DAB1: variants seen among roughly 807,000 people sequenced by gnomAD.
The protein encoded by DAB1 is DAB adaptor protein 1.
A neutral mutation model predicts 64.6 loss-of-function variants in DAB1; 15 were observed. That is an observed-to-expected ratio of 0.23 (90% CI 0.16 to 0.36). The LOEUF (loss-of-function observed/expected upper bound fraction) is 0.36, where lower values mean the gene tolerates loss of function less well. Ranked by LOEUF, DAB1 falls within the 10% of genes least tolerant of loss-of-function variation. The probability of loss-of-function intolerance (pLI) is 1.00; values close to 1 mark genes in which losing one functional copy is unlikely to be tolerated. For missense variants in DAB1, 596 were observed against 706.7 expected, an observed-to-expected ratio of 0.84 and a Z score of 1.78; for synonymous variants, 235 against 251.9, an observed-to-expected ratio of 0.93 and a Z score of 0.64.
At chr1:57,297,835 T>C (rs1301399852) in intron 1 of DAB1, among the ~76,000 whole-genome samples, 2 of 152,164 alleles carry the variant, frequency 1.3e-5, no homozygotes, top group East Asian at 3.9e-4. Context: ...GCTAGCTGAG[T>C]TTAAAATTAT....
chr1:58,502,118 C>T (rs1645916839), intron 3 of DAB1, among the ~76,000 whole-genome samples: 1 of 152,104 alleles, frequency 6.6e-6, no homozygotes, highest in African/African-American at 2.4e-5. Flanking sequence ...TGATAAGCTA[C>T]AGTAAGAAAC....
At chr1:58,029,388 C>CA (rs71246206) in intron 5 of DAB1, among the ~76,000 whole-genome samples, 2,480 of 152,266 alleles carry the variant, frequency 0.016, 39 homozygotes, top group Non-Finnish European at 0.023. Flanking sequence ...GTTGCTGTTA[C>CA]AAAAATCTGC....
At chr1:58,050,131 G>C (rs1196763056) in intron 5 of DAB1, among the ~76,000 whole-genome samples, 1 of 152,124 alleles carries the variant, frequency 6.6e-6, no homozygotes, top group African/African-American at 2.4e-5. Context: ...CAAAGGCCCT[G>C]AGTTAAAAGA....
chr1:57,461,841 T>G (rs1003781393), intron 7 of DAB1, among the ~76,000 whole-genome samples: 3 of 151,744 alleles, frequency 2.0e-5, no homozygotes, highest in Non-Finnish European at 2.9e-5. Flanking sequence ...CTTAATAATA[T>G]AATATTTATA....
At chr1:57,632,212 G>A (rs919874133) in intron 7 of DAB1, among the ~76,000 whole-genome samples, 2 of 152,212 alleles carry the variant, frequency 1.3e-5, no homozygotes, top group Admixed American at 6.5e-5. Context: ...GTGCTGCATA[G>A]GCGTGGAACT....
At chr1:57,937,462 G>A (rs1289882604) in intron 5 of DAB1, among the ~76,000 whole-genome samples, 1 of 152,100 alleles carries the variant, frequency 6.6e-6, no homozygotes, top group Non-Finnish European at 1.5e-5. Flanking sequence ...TGGGAATCTA[G>A]AGCAACTGGG....
chr1:58,473,229 G>T (rs1240712230), intron 3 of DAB1, among the ~76,000 whole-genome samples: 1 of 152,062 alleles, frequency 6.6e-6, no homozygotes, highest in African/African-American at 2.4e-5. Context: ...AGACTCTCTG[G>T]GCTCAATTTC....
intron 9 of DAB1, among the ~76,000 whole-genome samples, chr1:57,044,818 G>A (rs1648259029): frequency 6.6e-6 from 1 of 152,196 alleles, no homozygotes; most frequent in Non-Finnish European, 1.5e-5. Flanking sequence ...GGGTCACAGG[G>A]TAATATTAAG....
rs142654677 is a variant in DAB1, at chr1:58,428,003, T to TA, written n.257+78056dup. 5.0e-3 allele frequency among the ~76,000 whole-genome samples: 758 copies of TA among 152,312 alleles called. 5 individuals are homozygous for TA. The highest frequency in any genetic ancestry group is 0.018 in the African/African-American group (728 of 41,576). Reference sequence around the variant, plus strand: ...ATATCATTGGTCCCTTTGAGGATGCTAAAGAATAAACTCATTATTCAAAAA... The same window carrying TA: ...ATATCATTGGTCCCTTTGAGGATGCTAAAAGAATAAACTCATTATTCAAAAA... On this transcript the variant is annotated intron_variant and non_coding_transcript_variant, in intron 3 of 20. Coordinates refer to the DAB1 transcript ENST00000485760.
chr1:58,071,403 T>G (rs61779193), intron 5 of DAB1: 91 of 148,924 alleles, frequency 6.1e-4, no homozygotes, highest in African/African-American at 1.9e-3. Flanking sequence ...TGTGTGTGTG[T>G]GTGGGTGGGG....
chr1:58,177,217 C>T (rs973630013), intron 4 of DAB1, among the ~76,000 whole-genome samples: 1 of 152,156 alleles, frequency 6.6e-6, no homozygotes, highest in Admixed American at 6.5e-5. Flanking sequence ...CCGAGGTCAG[C>T]ACTCTACCTG....
intron 7 of DAB1, among the ~76,000 whole-genome samples, chr1:57,493,228 T>C (rs540506742): frequency 2.6e-5 from 4 of 152,252 alleles, no homozygotes; most frequent in South Asian, 4.1e-4. Context: ...ATTCACATTA[T>C]TGTGCAACCA....
rs1348895265 is a variant in DAB1, at chr1:58,490,794, T to C, written n.257+15266A>G. ...GAGAGTGGGGGCCAATAGTCAACAT[T>C]CTTTTTTTTTTTTTTTTTTTTTTTT... On this transcript the variant is annotated intron_variant and non_coding_transcript_variant, in intron 3 of 20. Coordinates refer to the DAB1 transcript ENST00000485760. 6.0e-5 allele frequency among the ~76,000 whole-genome samples: 7 copies of C among 117,224 alleles called. No individual in the cohort carries two copies. In the East Asian group the frequency reaches 1.2e-3, roughly 21 times the overall value. The allele number at this position is 117,224 out of a possible 152,430, so 76.9% of individuals were successfully genotyped here. A position where few individuals can be genotyped will look rare whatever the true frequency, so the allele number is the denominator to read the frequency against.
chr1:57,067,889 C>T (rs1651080129), intron 8 of DAB1, among the ~76,000 whole-genome samples: 1 of 152,134 alleles, frequency 6.6e-6, no homozygotes, highest in African/African-American at 2.4e-5. Flanking sequence ...AGTTAGGGAA[C>T]AATTGTTCGC....
intron 4 of DAB1, among the ~76,000 whole-genome samples, chr1:58,204,212 C>T (rs983054190): frequency 1.3e-5 from 2 of 152,168 alleles, no homozygotes; most frequent in East Asian, 3.9e-4. Context: ...ATTGGAAATG[C>T]AGCTCTTGGA....
intron 6 of DAB1, among the ~76,000 whole-genome samples, chr1:57,692,352 G>A (rs1462999416): frequency 3.3e-5 from 5 of 152,014 alleles, no homozygotes; most frequent in Non-Finnish European, 7.4e-5. Context: ...TAAGTGGCTG[G>A]CAGAGGCAGG....
intron 4 of DAB1, among the ~76,000 whole-genome samples, chr1:58,276,929 G>T (rs1478106510): frequency 6.6e-6 from 1 of 152,072 alleles, no homozygotes; most frequent in Non-Finnish European, 1.5e-5. Flanking sequence ...TCTTTGTTAA[G>T]GGTCCCCTTT....
chr1:57,524,897 C>A (rs1644573041), intron 7 of DAB1, among the ~76,000 whole-genome samples: 1 of 152,104 alleles, frequency 6.6e-6, no homozygotes, highest in Admixed American at 6.5e-5. Flanking sequence ...AAAAATGAAC[C>A]AACCAACCAG....
intron 5 of DAB1, among the ~76,000 whole-genome samples, chr1:58,066,312 G>A (rs986816506): frequency 2.0e-5 from 3 of 152,170 alleles, no homozygotes; most frequent in African/African-American, 7.2e-5. Context: ...TGAGGAATGG[G>A]AGTATTTATT....
Sources: allele counts gnomAD v4.1 joint callset (sites outside exome capture counted in the v4.1 genomes callset), GRCh38; gene constraint gnomAD v4.1.1; transcripts MANE v1.5; gene names NCBI Gene and HGNC (gene_info 2026-07-23, HGNC 2026-07-21).